FUT8: variants seen among roughly 807,000 people sequenced by gnomAD.
The protein encoded by FUT8 is fucosyltransferase 8, also known as alpha-(1,6)-fucosyltransferase.
In FUT8, 29 loss-of-function variants were observed where a neutral mutation model predicts 71.3. That is an observed-to-expected ratio of 0.41 (90% CI 0.30 to 0.55). The LOEUF is 0.55. Among genes scored for constraint, FUT8 ranks in the 20% least tolerant of loss-of-function variants. The probability of loss-of-function intolerance (pLI) is 0.34; values close to 1 mark genes in which losing one functional copy is unlikely to be tolerated. For missense variants in FUT8, 544 were observed against 702.1 expected (o/e 0.77, Z 2.55); for synonymous variants, 254 against 239.3 (o/e 1.06, Z -0.57).
At position 65,417,221 on chromosome 14, in the gene FUT8, G is replaced by A. The variant is rs555996181; in HGVS notation, c.-326+4007G>A. On this transcript the variant is annotated intron_variant, in intron 1 of 10. Transcript: ENST00000673929. ...CATCCCACCTTGGCCTCCCACAGGC[G>A]TGAGCTACCATGCTTGGTTGTAAGA... 1.2e-4 allele frequency among the ~76,000 whole-genome samples: 19 copies of A among 152,248 alleles called. No individual in the cohort carries two copies. The South Asian group carries it at 2.7e-3, about 22-fold the overall frequency.
intron 2 of FUT8, among the ~76,000 whole-genome samples, chr14:65,559,652 T>A (rs974975248): frequency 1.3e-5 from 2 of 152,134 alleles, no homozygotes; most frequent in South Asian, 2.1e-4. Context: ...ATACTTATAT[T>A]TTTTGGCTGA....
chr14:65,658,735 G>A (rs962185811), intron 6 of FUT8, among the ~76,000 whole-genome samples: 2 of 152,126 alleles, frequency 1.3e-5, no homozygotes, highest in South Asian at 2.1e-4. Flanking sequence ...GCAGTTCAGC[G>A]GGTTCCAGAG....
chr14:65,451,700 G>A (rs1163076996), intron 1 of FUT8, among the ~76,000 whole-genome samples: 1 of 152,230 alleles, frequency 6.6e-6, no homozygotes, highest in African/African-American at 2.4e-5. Context: ...GGAAATGGAA[G>A]CTGAAAAGGG....
chr14:65,434,336 A>C (rs2065522434), intron 1 of FUT8, among the ~76,000 whole-genome samples: 1 of 152,142 alleles, frequency 6.6e-6, no homozygotes, highest in Non-Finnish European at 1.5e-5. Context: ...CTTTCATGGC[A>C]AGGATGCATG....
At chr14:65,373,324 T>C in the FUT8 span, among the ~76,000 whole-genome samples, 1 of 151,234 alleles carries the variant, frequency 6.6e-6, no homozygotes, top group African/African-American at 2.4e-5. Context: ...CCCCCTATCC[T>C]GTGGCCATAT....
At chr14:65,439,105 C>T (rs1158431077) in intron 1 of FUT8, among the ~76,000 whole-genome samples, 2 of 152,170 alleles carry the variant, frequency 1.3e-5, no homozygotes, top group East Asian at 3.8e-4. Context: ...TAACAGACCC[C>T]TTTTTACTTG....
chr14:65,383,149 C>T, the FUT8 span, among the ~76,000 whole-genome samples: 3 of 152,206 alleles, frequency 2.0e-5, no homozygotes, highest in South Asian at 6.2e-4. Context: ...TCCCTGCCTT[C>T]AGGCTCTTTC....
At chr14:65,415,535 A>G (rs2065206871) in intron 1 of FUT8, among the ~76,000 whole-genome samples, 1 of 152,132 alleles carries the variant, frequency 6.6e-6, no homozygotes, top group Admixed American at 6.5e-5. Flanking sequence ...TTCTTGACCC[A>G]TTGTACATGT....
intron 6 of FUT8, among the ~76,000 whole-genome samples, chr14:65,641,955 T>G (rs1290465002): frequency 6.6e-5 from 10 of 152,074 alleles, no homozygotes; most frequent in Non-Finnish European, 1.2e-4. Context: ...GTTTTGGAAA[T>G]TTTTGTTTGG....
the FUT8 span, among the ~76,000 whole-genome samples, chr14:65,364,540 C>T: frequency 5.2e-4 from 79 of 152,254 alleles, no homozygotes; most frequent in Middle Eastern, 3.4e-3. Flanking sequence ...TAGTGCAAGG[C>T]GCCCTTATCG....
intron 3 of FUT8, among the ~76,000 whole-genome samples, chr14:65,564,920 T>G (rs61987981): frequency 0.059 from 9,020 of 152,068 alleles, 321 homozygotes; most frequent in Admixed American, 0.11. Flanking sequence ...TTCCGTTATA[T>G]TGATGTGTCT....
intron 10 of FUT8, among the ~76,000 whole-genome samples, chr14:65,740,185 A>G (rs1896426090): frequency 6.6e-6 from 1 of 152,038 alleles, no homozygotes. Context: ...CATTGCCAAT[A>G]TAATCGTTGT....
chr14:65,557,498 A>G (rs1885656272), intron 2 of FUT8, among the ~76,000 whole-genome samples: 1 of 151,826 alleles, frequency 6.6e-6, no homozygotes, highest in Non-Finnish European at 1.5e-5. Context: ...TGCCTGGCTC[A>G]TTTTTGTATT....
rs543743066 is a variant in FUT8, at chr14:65,692,796, G to A, written c.835+23316G>A. Among the ~76,000 whole-genome samples the A allele has an allele frequency of 9.2e-5, 14 of 151,474 alleles. 1 individual carries two copies. The highest frequency in any genetic ancestry group is 8.4e-4 in the South Asian group (4 of 4,782). On this transcript the variant is annotated intron_variant, in intron 7 of 10. Coordinates refer to ENST00000673929, the MANE Select transcript of FUT8 (RefSeq NM_001371533.1). ...GGTCTCCTCACTTCTCAGAGGGGGC[G>A]GCCGGGCAGAGACGCTCCTCACCTC... is the stretch of plus-strand genomic sequence containing the variant.
At chr14:65,693,800 C>T (rs183380458) in intron 7 of FUT8, among the ~76,000 whole-genome samples, 1 of 152,150 alleles carries the variant, frequency 6.6e-6, no homozygotes, top group Non-Finnish European at 1.5e-5. Flanking sequence ...GTAGAATTCA[C>T]CAGTGAAACT....
intron 3 of FUT8, among the ~76,000 whole-genome samples, chr14:65,569,279 T>A (rs1303142192): frequency 1.3e-5 from 2 of 151,834 alleles, no homozygotes; most frequent in African/African-American, 4.8e-5. Flanking sequence ...CCTCAGCTAC[T>A]ATTTCTTCAA....
intron 3 of FUT8, among the ~76,000 whole-genome samples, chr14:65,584,002 C>T (rs1293840349): frequency 6.6e-6 from 1 of 152,192 alleles, no homozygotes; most frequent in African/African-American, 2.4e-5. Flanking sequence ...GCCTCAGCTT[C>T]CCGAGTAGCT....
At chr14:65,378,260 A>C in the FUT8 span, among the ~76,000 whole-genome samples, 1 of 152,140 alleles carries the variant, frequency 6.6e-6, no homozygotes, top group Non-Finnish European at 1.5e-5. Context: ...GCTAAGAAAG[A>C]GGTTGAGAGA....
the FUT8 span, among the ~76,000 whole-genome samples, chr14:65,388,634 C>T: frequency 2.0e-5 from 3 of 152,056 alleles, no homozygotes; most frequent in Non-Finnish European, 4.4e-5. Flanking sequence ...TGATGGTGTG[C>T]ACCTGTAATC....
Sources: allele counts gnomAD v4.1 joint callset (sites outside exome capture counted in the v4.1 genomes callset), GRCh38; gene constraint gnomAD v4.1.1; transcripts MANE v1.5; gene names NCBI Gene and HGNC (gene_info 2026-07-23, HGNC 2026-07-21).